FRRS1: variants seen among roughly 807,000 people sequenced by gnomAD.
The protein encoded by FRRS1 is ferric reductase 1.
A neutral mutation model predicts 70.7 loss-of-function variants in FRRS1; 51 were observed. The ratio of observed to expected loss-of-function variants is 0.72; its 90% CI spans 0.58 to 0.91. The LOEUF (loss-of-function observed/expected upper bound fraction) is 0.91. Among genes scored for constraint, FRRS1 ranks in the 40% least tolerant of loss-of-function variants. The probability of loss-of-function intolerance (pLI) is 0.00; values close to 1 mark genes in which losing one functional copy is unlikely to be tolerated. For synonymous variants in FRRS1, 225 were observed against 238.7 expected (o/e 0.94, Z 0.53); for missense variants, 672 against 726.0 (o/e 0.93, Z 0.86).
intron 1 of FRRS1, among the ~76,000 whole-genome samples, chr1:99,749,635 T>G (rs1656472432): frequency 6.6e-6 from 1 of 152,216 alleles, no homozygotes; most frequent in Non-Finnish European, 1.5e-5. Context: ...TTGGTAGAGA[T>G]AATAATTCTA....
At chr1:99,760,118 A>G (rs1368175922) in intron 1 of FRRS1, among the ~76,000 whole-genome samples, 2 of 152,352 alleles carry the variant, frequency 1.3e-5, no homozygotes, top group East Asian at 1.9e-4. Context: ...CATAGAACTA[A>G]AACTCCAGAA....
chr1:99,734,946 A>G (rs1655573892), intron 7 of FRRS1, among the ~76,000 whole-genome samples: 1 of 152,198 alleles, frequency 6.6e-6, no homozygotes, highest in South Asian at 2.1e-4. Flanking sequence ...CATGTATGGA[A>G]TAAGATGATA....
At chr1:99,760,371 C>T (rs1460590342) in intron 1 of FRRS1, among the ~76,000 whole-genome samples, 1 of 151,914 alleles carries the variant, frequency 6.6e-6, no homozygotes, top group African/African-American at 2.4e-5. Flanking sequence ...TTAATTTTAC[C>T]TTCATAGAAA....
Position 99,717,522 on chromosome 1 carries a change from G to T in FRRS1, c.1124C>A (p.Ala375Asp), listed in dbSNP as rs757206232. 2 of 1,601,174 alleles carry T rather than the reference G, an allele frequency of 1.2e-6. No homozygotes were observed. Among genetic ancestry groups the T allele is most frequent in the African/African-American group, 2.7e-5 (2 of 74,654 alleles). ...AGTCATCCATGCCACAAACATTAAG[G>T]CACCTACAAGTGAGATAAATGCAAT... ...HSVLLLKVHG[A>D]LMFVAWMTTV... is the part of the protein sequence containing the mutation. The change falls in exon 11 of 17, where the codon GCC (alanine) becomes GAC (aspartate). Residue 375 changes from alanine (A) to aspartate (D), a missense_variant. Transcript: ENST00000646001.
intron 1 of FRRS1, among the ~76,000 whole-genome samples, chr1:99,762,577 C>T (rs150241524): frequency 6.6e-6 from 1 of 151,850 alleles, no homozygotes; most frequent in Admixed American, 6.6e-5. Context: ...AATTGCTCCA[C>T]CCCACAGCTC....
chr1:99,751,130 C>A (rs2100987695), intron 1 of FRRS1, among the ~76,000 whole-genome samples: 2 of 152,332 alleles, frequency 1.3e-5, no homozygotes, highest in African/African-American at 2.4e-5. Flanking sequence ...TCTTCTTGAT[C>A]TGAGACATCC....
intron 1 of FRRS1, among the ~76,000 whole-genome samples, chr1:99,756,814 T>C (rs1656857905): frequency 6.6e-6 from 1 of 152,190 alleles, no homozygotes; most frequent in African/African-American, 2.4e-5. Flanking sequence ...ATTCAAGTTC[T>C]AGCTCTTGTT....
chr1:99,712,239 G>A, intron 13 of FRRS1, 76 bp from the exon 14 acceptor site: 1 of 1,079,542 alleles, frequency 9.3e-7, no homozygotes, highest in Non-Finnish European at 1.4e-6. Context: ...TAAAAAGCAT[G>A]TAATTTCCTT....
At chr1:99,749,661 A>G (rs1429993366) in intron 1 of FRRS1, among the ~76,000 whole-genome samples, 1 of 152,232 alleles carries the variant, frequency 6.6e-6, no homozygotes, top group African/African-American at 2.4e-5. Flanking sequence ...TGTAGCCCAG[A>G]TACTTCTGAA....
intron 12 of FRRS1, 99 bp from the exon 13 acceptor site, chr1:99,712,614 C>T: frequency 1.6e-6 from 1 of 612,796 alleles, no homozygotes; most frequent in Non-Finnish European, 2.8e-6. Context: ...TAGTATTTTT[C>T]CATGGCTTTA....
rs1277864516 is a variant in FRRS1, at chr1:99,706,357, T to A, written c.*2671A>T. Among the ~76,000 whole-genome samples, 4 of 148,110 alleles carry A rather than the reference T, an allele frequency of 2.7e-5. No individual in the cohort carries two copies. Among genetic ancestry groups the A allele is most frequent in the Non-Finnish European group, 1.5e-5 (1 of 67,534 alleles). The stretch of plus-strand genomic sequence containing the variant: ...CCAAGAGGTCAAGGCTGCAGTGGGC[T>A]AAGATCGCACCACTGCACTCCAGCC... On this transcript the variant is annotated 3_prime_UTR_variant, in exon 17 of 17. Transcript: ENST00000646001.
rs140224876 is a variant in FRRS1 at position 99,762,270 on chromosome 1, G to A, written c.-106+4337C>T. Among the ~76,000 whole-genome samples the A allele has an allele frequency of 2.8e-3, 424 of 152,278 alleles. 3 individuals carry two copies. The highest frequency in any genetic ancestry group is 9.8e-3 in the African/African-American group (409 of 41,568). The stretch of plus-strand genomic sequence containing the variant: ...CTCTCTCCACAGAAACTCCATAAGC[G>A]TTAGTTTTTCCTAATAAAGTTTATC... On this transcript the variant is annotated intron_variant, in intron 1 of 16. Coordinates refer to ENST00000646001, the MANE Select transcript of FRRS1 (RefSeq NM_001361041.2).
chr1:99,708,619 AAAAAAAATATATATATATATATATATAT>A lies in FRRS1; in HGVS notation c.*381_*408del, dbSNP rs1346619185. 11 of 85,162 alleles carry A rather than the reference AAAAAAAATATATATATATATATATATAT, an allele frequency of 1.3e-4. No homozygotes were observed. The highest frequency in any genetic ancestry group is 6.5e-4 in the African/African-American group (11 of 17,028). The allele number at this position is 85,162 out of a possible 1,614,324, so 5.3% of individuals were successfully genotyped here. ...TCTCAAAAAAAAAAAAAAAAAAAAA[AAAAAAAATATATATATATATATATATAT>A]ATATATATATATATATCGTAATATA... On this transcript the variant is annotated 3_prime_UTR_variant, in exon 17 of 17. Coordinates refer to ENST00000646001, the MANE Select transcript of FRRS1 (RefSeq NM_001361041.2).
intron 7 of FRRS1, among the ~76,000 whole-genome samples, chr1:99,733,694 A>G (rs4908009): frequency 0.49 from 75,165 of 152,148 alleles, 22,580 homozygotes; most frequent in African/African-American, 0.85. Flanking sequence ...CAGAGGAAAG[A>G]AAACTCGTAT....
chr1:99,720,193 G>A (rs376596082), intron 9 of FRRS1, among the ~76,000 whole-genome samples: 1 of 152,094 alleles, frequency 6.6e-6, no homozygotes, highest in South Asian at 2.1e-4. Context: ...AAATAGTAGT[G>A]ACATAAGCAA....
At chr1:99,738,801 A>G (rs1655807707) in intron 6 of FRRS1, among the ~76,000 whole-genome samples, 1 of 152,174 alleles carries the variant, frequency 6.6e-6, no homozygotes, top group Admixed American at 6.5e-5. Context: ...ATGACATAAG[A>G]AAAAAATGGT....
chr1:99,729,668 G>A lies in FRRS1; in HGVS notation c.840C>T (p.His280=), dbSNP rs753956571. The change falls in exon 8 of 17, where the codon CAC becomes CAT. Residue 280 remains histidine, a synonymous_variant. Transcript: ENST00000646001. ...CACCTACCCTGGAGTCCATTACAGG[G>A]TGACTTCGCCCCGTTAAATGGGAAG... is the stretch of plus-strand genomic sequence containing the variant. ...IQPSHLTGRS[H]PVMDSRDTLE... is the part of the protein sequence containing the mutation. 6.2e-7 allele frequency: 1 copy of A among 1,611,942 alleles called. No individual in the cohort carries two copies. The highest frequency in any genetic ancestry group is 2.2e-5 in the East Asian group (1 of 44,872).
chr1:99,706,973 T>C lies in FRRS1; in HGVS notation c.*2055A>G, dbSNP rs1044604030. Among the ~76,000 whole-genome samples the C allele has an allele frequency of 6.6e-6, 1 of 152,126 alleles. No individual in the cohort carries two copies. Among genetic ancestry groups the C allele is most frequent in the Non-Finnish European group, 1.5e-5 (1 of 68,022 alleles). On this transcript the variant is annotated 3_prime_UTR_variant, in exon 17 of 17. Coordinates refer to ENST00000646001, the MANE Select transcript of FRRS1 (RefSeq NM_001361041.2). ...ATTTATTAACATTTAAGCTCCTTAG[T>C]ATAGAAAACTGGAGGAAAATAACTT...
At chr1:99,714,171 C>T (rs1403664308) in intron 12 of FRRS1, among the ~76,000 whole-genome samples, 1 of 151,248 alleles carries the variant, frequency 6.6e-6, no homozygotes, top group African/African-American at 2.4e-5. Context: ...ACAAGAATGG[C>T]ATGGTCTGGT....
Sources: gnomAD v4.1 joint callset for allele counts (sites outside exome capture counted in the v4.1 genomes callset) on GRCh38, gnomAD v4.1.1 for gene constraint, MANE v1.5 for transcripts, NCBI Gene and HGNC (gene_info 2026-07-23, HGNC 2026-07-21) for gene names.